The following LRP2 variants were observed in gnomAD, a reference collection of about 807,000 sequenced individuals.
LRP2 encodes the protein low-density lipoprotein receptor-related protein 2.
In LRP2, 172 loss-of-function variants were observed where a neutral mutation model predicts 531.0. The observed-to-expected ratio is 0.32, with a 90% CI of 0.29 to 0.37. The LOEUF is 0.37. Ranked by LOEUF, LRP2 falls within the 10% of genes least tolerant of loss-of-function variation. LRP2 has a pLI of 1.00. For synonymous variants in LRP2, 1,992 were observed against 2,027.6 expected, an observed-to-expected ratio of 0.98 and a Z score of 0.47; for missense variants, 5,167 against 5,868.3, an observed-to-expected ratio of 0.88 and a Z score of 3.90.
rs769766068 is a variant in LRP2 at position 169,177,968 on chromosome 2, G to C, written c.10228C>G (p.Pro3410Ala). 3 of 1,614,036 alleles carry C rather than the reference G, an allele frequency of 1.9e-6. No individual in the cohort carries two copies. The highest frequency in any genetic ancestry group is 2.5e-6 in the Non-Finnish European group (3 of 1,180,036). The change falls in exon 53 of 79, where the codon CCT (proline) becomes GCT (alanine). Residue 3410 changes from proline to alanine, a missense_variant. Physicochemically the swap from Pro to Ala is conservative, Grantham distance 27. Around this residue, in one of 6 missense-constraint regions of LRP2, gnomAD observed 1,129 missense variants for 1,362.7 expected, o/e 0.83. Transcript: ENST00000649046. ...HTVYDGALPH[P>A]FAITIFEDTI... ...TCTTCAAAAATGGTAATAGCGAAAG[G>C]GTGAGGCAGTGCCCCATCATACACC...
In LRP2 at chr2:169,216,324, C is replaced by G; in HGVS notation, c.5755G>C (p.Glu1919Gln). 2 of 1,613,648 alleles carry G rather than the reference C, an allele frequency of 1.2e-6. No individual in the cohort carries two copies. The highest frequency in any genetic ancestry group is 1.7e-4 in the Middle Eastern group (1 of 6,058). ...SVKTLFTGNL[E>Q]HLECVTLDIE... ...TCAAGAGTGACACACTCCAGGTGTT[C>G]GAGGTTCCCAGTAAAGAGAGTTTTC... The change falls in exon 35 of 79, where the codon GAA becomes CAA. Residue 1919 changes from glutamate (E) to glutamine (Q), a missense_variant. Coordinates refer to ENST00000649046, the MANE Select transcript of LRP2 (RefSeq NM_004525.3).
In LRP2 at chr2:169,174,048, G is replaced by A. The variant is rs766338594; in HGVS notation, c.10885C>T (p.His3629Tyr). ...CEDNSDEDSS[H>Y]CASRTCRPGQ... ...GGCCGGCAGGTCCTGCTGGCACAGT[G>A]GGAACTGTCTTCATCTGAGTTATCC... is the stretch of plus-strand genomic sequence containing the variant. Residue 3629 changes from histidine to tyrosine, a missense_variant, in exon 56 of 79, where the codon CAC (histidine) becomes TAC (tyrosine). Transcript: ENST00000649046. The A allele has an allele frequency of 1.2e-6, 2 of 1,614,194 alleles. No homozygotes were observed. Among genetic ancestry groups the A allele is most frequent in the Admixed American group, 1.7e-5 (1 of 60,034 alleles).
At chr2:169,301,342 T>G (rs1164848728) in intron 4 of LRP2, among the ~76,000 whole-genome samples, 2 of 152,034 alleles carry the variant, frequency 1.3e-5, no homozygotes, top group African/African-American at 4.8e-5. Context: ...GAGTGGTTTT[T>G]CCTTGATGCT....
At chr2:169,332,745 A>C (rs1477336372) in intron 1 of LRP2, among the ~76,000 whole-genome samples, 1 of 152,250 alleles carries the variant, frequency 6.6e-6, no homozygotes, top group African/African-American at 2.4e-5. Context: ...ACATACGTAC[A>C]TGCACATACA....
intron 25 of LRP2, 46 bp downstream of exon 25, chr2:169,240,942 G>C (rs781484969): frequency 6.2e-6 from 10 of 1,603,024 alleles, no homozygotes; most frequent in Non-Finnish European, 8.5e-6. Context: ...CCAGGCTACT[G>C]TTCAGAATGA....
intron 16 of LRP2, among the ~76,000 whole-genome samples, chr2:169,260,210 A>G (rs1690489971): frequency 1.3e-5 from 2 of 152,134 alleles, no homozygotes; most frequent in Non-Finnish European, 2.9e-5. Flanking sequence ...AAAGAGGAGG[A>G]GGCAACTAGG....
intron 77 of LRP2, among the ~76,000 whole-genome samples, chr2:169,132,163 C>A (rs1335192018): frequency 6.6e-6 from 1 of 152,142 alleles, no homozygotes; most frequent in African/African-American, 2.4e-5. Context: ...GAGCGAAGAA[C>A]AGCTTGAAAG....
intron 68 of LRP2, among the ~76,000 whole-genome samples, chr2:169,147,419 A>T (rs1346614767): frequency 1.3e-5 from 2 of 152,130 alleles, no homozygotes; most frequent in Non-Finnish European, 2.9e-5. Flanking sequence ...GGCTCAAGCG[A>T]TCCTCTCATC....
intron 16 of LRP2, among the ~76,000 whole-genome samples, chr2:169,263,724 G>C (rs1214925799): frequency 1.3e-5 from 2 of 152,120 alleles, no homozygotes; most frequent in Non-Finnish European, 2.9e-5. Flanking sequence ...CATACCATTT[G>C]ACCCAGCCAT....
At chr2:169,227,759 T>G (rs2105363533) in intron 31 of LRP2, among the ~76,000 whole-genome samples, 1 of 152,312 alleles carries the variant, frequency 6.6e-6, no homozygotes, top group Non-Finnish European at 1.5e-5. Context: ...TAACCCAGTC[T>G]TTATTAACCT....
intron 45 of LRP2, among the ~76,000 whole-genome samples, chr2:169,198,250 C>CA (rs1188385161): frequency 6.6e-6 from 1 of 151,710 alleles, no homozygotes; most frequent in Non-Finnish European, 1.5e-5. Context: ...CCCATATCTA[C>CA]AAAAAATACA....
In LRP2 at chr2:169,188,043, C is replaced by A. The variant is rs770029045; in HGVS notation, c.9255G>T (p.Gly3085=). 4.5e-5 allele frequency: 72 copies of A among 1,613,944 alleles called. No individual in the cohort carries two copies. Among genetic ancestry groups the A allele is most frequent in the Non-Finnish European group, 1.2e-5 (14 of 1,180,012 alleles). The change falls in exon 49 of 79, where the codon GGG becomes GGT. Residue 3085 remains glycine (G), a synonymous_variant. Transcript: ENST00000649046. Reference sequence around the variant, plus strand: ...AGAGTTTCATCATCTCGATGCAGCGCCCATTGTCACACTTGAACTCGTGAG... The same window carrying A: ...AGAGTTTCATCATCTCGATGCAGCGACCATTGTCACACTTGAACTCGTGAG... ...CPPHEFKCDN[G]RCIEMMKLCN... is the part of the protein sequence containing the mutation.
intron 34 of LRP2, among the ~76,000 whole-genome samples, chr2:169,218,051 A>G (rs1688859106): frequency 6.6e-6 from 1 of 152,164 alleles, no homozygotes; most frequent in Non-Finnish European, 1.5e-5. Flanking sequence ...TCAGCTCTTT[A>G]TTAGTGATCA....
At chr2:169,163,749 G>C (rs969896750) in intron 62 of LRP2, among the ~76,000 whole-genome samples, 1 of 152,072 alleles carries the variant, frequency 6.6e-6, no homozygotes, top group Admixed American at 6.5e-5. Context: ...CTGGGCTCCC[G>C]ACCTTCTATA....
chr2:169,158,846 T>TAAA (rs761633083), intron 63 of LRP2, among the ~76,000 whole-genome samples: 2 of 100,364 alleles, frequency 2.0e-5, no homozygotes. Context: ...ACTTTCACAG[T>TAAA]AAAAAAAAAA....
At chr2:169,290,211 C>A (rs148841166) in intron 8 of LRP2, among the ~76,000 whole-genome samples, 3 of 145,678 alleles carry the variant, frequency 2.1e-5, no homozygotes, top group Non-Finnish European at 4.5e-5. Context: ...GCATGGCCAA[C>A]TCAGTTTTGC....
At position 169,128,645 on chromosome 2, in the gene LRP2, C is replaced by T. The variant is rs141693983; in HGVS notation, c.*18G>A. 3.7e-4 allele frequency: 588 copies of T among 1,609,274 alleles called. No homozygotes were observed. In the African/African-American group the frequency reaches 7.0e-3, roughly 19 times the overall value. On this transcript the variant is annotated 3_prime_UTR_variant, in exon 79 of 79. Transcript: ENST00000649046. Reference sequence around the variant, plus strand: ...TGCAAAAGTGTGTTTCTAATTATTCCCTAAATAGCTGGTATAGCTATACTT... The same window carrying T: ...TGCAAAAGTGTGTTTCTAATTATTCTCTAAATAGCTGGTATAGCTATACTT...
At chr2:169,240,501 A>T (rs765916948) in intron 25 of LRP2, among the ~76,000 whole-genome samples, 2 of 152,210 alleles carry the variant, frequency 1.3e-5, no homozygotes, top group Non-Finnish European at 2.9e-5. Context: ...CTTCACAATC[A>T]TACCTGGCTG....
rs1687843891 is a variant in LRP2 at position 169,191,934 on chromosome 2, T to G, written c.8930A>C (p.Asp2977Ala). The G allele has an allele frequency of 6.2e-7, 1 of 1,614,022 alleles. No individual in the cohort carries two copies. The highest frequency in any genetic ancestry group is 8.5e-7 in the Non-Finnish European group (1 of 1,180,010). Residue 2977 changes from aspartate (D) to alanine (A), a missense_variant, in exon 48 of 79, where the codon GAT (aspartate) becomes GCT (alanine). Coordinates refer to ENST00000649046, the MANE Select transcript of LRP2 (RefSeq NM_004525.3). ...PQSWVCDGDV[D>A]CTDGYDENQN... Reference sequence around the variant, plus strand: ...ATTCTCATCGTAGCCGTCAGTACAATCCACATCGCCATCACAGACCCAAGA... The same window carrying G: ...ATTCTCATCGTAGCCGTCAGTACAAGCCACATCGCCATCACAGACCCAAGA...
Sources: allele counts gnomAD v4.1 joint callset (sites outside exome capture counted in the v4.1 genomes callset), GRCh38; gene constraint gnomAD v4.1.1; regional missense constraint gnomAD v4.1.1; transcripts MANE v1.5; gene names NCBI Gene and HGNC (gene_info 2026-07-23, HGNC 2026-07-21).